ZUP1: variants seen among roughly 807,000 people sequenced by gnomAD.
ZUP1 encodes the protein zinc finger containing ubiquitin peptidase 1, also known as zinc finger-containing ubiquitin peptidase 1.
ZUP1 carries 55 observed loss-of-function variants against 68.1 expected under a neutral mutation model. That is an observed-to-expected ratio of 0.81 (90% CI 0.65 to 1.01). The LOEUF (loss-of-function observed/expected upper bound fraction) is 1.01. Among genes scored for constraint, ZUP1 ranks in the 50% least tolerant of loss-of-function variants. The pLI is 0.00. For synonymous variants in ZUP1, 223 were observed against 221.5 expected (o/e 1.01, Z -0.06); for missense variants, 684 against 674.9 (o/e 1.01, Z -0.15).
chr6:116,668,474 A>G (rs1393019297), intron 1 of ZUP1, 92 bp downstream of exon 1: 1 of 152,384 alleles, frequency 6.6e-6, no homozygotes, highest in Admixed American at 6.5e-5. Flanking sequence ...GTTCCGCGCC[A>G]AAGGCACAAG....
Position 116,651,672 on chromosome 6 carries a change from C to A in ZUP1, c.1216G>T (p.Asp406Tyr). ...TTAAGTTGAGAGGCCCCCTGAGGAT[C>A]AAAACCTTCCTTCCATGCATCTTCA... Reference protein sequence around the residue: ...MIEDAWKEGFDPQGASQLNNR... With the variant: ...MIEDAWKEGFYPQGASQLNNR... Residue 406 changes from aspartate to tyrosine, a missense_variant, in exon 7 of 10, where the codon GAT becomes TAT. Transcript: ENST00000368576. 3 of 1,613,878 alleles carry A rather than the reference C, an allele frequency of 1.9e-6. No homozygotes were observed. The highest frequency in any genetic ancestry group is 2.5e-6 in the Non-Finnish European group (3 of 1,179,850).
intron 5 of ZUP1, 58 bp from the exon 6 acceptor site, chr6:116,652,250 A>ATCAATATATGAGATATATAT: frequency 9.5e-6 from 13 of 1,369,280 alleles, no homozygotes; most frequent in Non-Finnish European, 8.0e-6. Flanking sequence ...GCTATCTCAT[A>ATCAATATATGAGATATATAT]CATTTTTAAT....
chr6:116,638,058 T>C (rs1434729947), intron 9 of ZUP1, among the ~76,000 whole-genome samples: 4 of 128,960 alleles, frequency 3.1e-5, no homozygotes, highest in Middle Eastern at 3.6e-3. Flanking sequence ...AGAGTGAGAG[T>C]CGGTCTCCAA....
chr6:116,644,481 C>T (rs1016081210), intron 9 of ZUP1, among the ~76,000 whole-genome samples: 5 of 152,256 alleles, frequency 3.3e-5, no homozygotes, highest in Non-Finnish European at 7.3e-5. Flanking sequence ...AAATGTGGCA[C>T]ATATATACCA....
Position 116,668,605 on chromosome 6 carries a change from G to A in ZUP1, c.-55C>T, listed in dbSNP as rs951197489. ...GCAGCTGCCACACTGAGCTCCGCTA[G>A]GCTTCCCCTTTGGGCCTCGCTGGCA... On this transcript the variant is annotated 5_prime_UTR_variant, in exon 1 of 10. Transcript: ENST00000368576. 6.5e-6 allele frequency: 1 copy of A among 152,736 alleles called. No individual in the cohort carries two copies. Among genetic ancestry groups the A allele is most frequent in the Non-Finnish European group, 1.5e-5 (1 of 68,464 alleles). 9.5% of individuals were successfully genotyped at this position (152,736 alleles called of 1,614,324 possible).
In ZUP1 at chr6:116,645,734, G is replaced by C; in HGVS notation, c.1669C>G (p.Leu557Val). 6.2e-7 allele frequency: 1 copy of C among 1,611,930 alleles called. No homozygotes were observed. Among genetic ancestry groups the C allele is most frequent in the Non-Finnish European group, 8.5e-7 (1 of 1,179,428 alleles). Residue 557 changes from leucine to valine, a missense_variant, in exon 9 of 10, where the codon CTT becomes GTT. Coordinates refer to ENST00000368576, the MANE Select transcript of ZUP1 (RefSeq NM_145062.3). ...CTTACAAGTTTCTCCTCTAGAGAAA[G>C]AGCACCCTCTACTGCCAATATCTGG... ...QYQILAVEGA[L>V]SLEEKLARRQ...
At chr6:116,642,474 A>T (rs2115383329) in intron 9 of ZUP1, among the ~76,000 whole-genome samples, 1 of 152,240 alleles carries the variant, frequency 6.6e-6, no homozygotes, top group South Asian at 2.1e-4. Context: ...AGCACATCAA[A>T]AACCTTATCC....
At chr6:116,648,982 AAAAAAGAAAAAG>A (rs559643571) in intron 7 of ZUP1, among the ~76,000 whole-genome samples, 5 of 152,014 alleles carry the variant, frequency 3.3e-5, no homozygotes, top group African/African-American at 1.2e-4. Context: ...CTCAAAAAAA[AAAAAAGAAAAAG>A]AAAAAGAAAA....
chr6:116,661,103 T>C (rs540715424), intron 2 of ZUP1, among the ~76,000 whole-genome samples: 9 of 152,002 alleles, frequency 5.9e-5, no homozygotes, highest in Non-Finnish European at 1.2e-4. Flanking sequence ...CTCAAACTCC[T>C]GGACTCAAGT....
rs534222431 is a variant in ZUP1 at position 116,645,596 on chromosome 6, A to G, written c.1689+118T>C. On this transcript the variant is annotated intron_variant, in intron 9 of 9. Coordinates refer to ENST00000368576, the MANE Select transcript of ZUP1 (RefSeq NM_145062.3). ...AGACCCTGTCTCCAAAAAAAAAAAAAAAAAAGAAAAAGAATAGAAAAAAAA... is the reference window on the plus strand; with the variant it reads ...AGACCCTGTCTCCAAAAAAAAAAAAGAAAAAGAAAAAGAATAGAAAAAAAA... The G allele has an allele frequency of 2.0e-4, 158 of 804,348 alleles. No individual in the cohort carries two copies. The East Asian group carries it at 3.5e-3, about 18-fold the overall frequency. 49.8% of individuals were successfully genotyped at this position (804,348 alleles called of 1,614,324 possible). A position where few individuals can be genotyped will look rare whatever the true frequency, so the allele number is the denominator to read the frequency against.
At chr6:116,641,761 A>G (rs1222815275) in intron 9 of ZUP1, among the ~76,000 whole-genome samples, 1 of 152,196 alleles carries the variant, frequency 6.6e-6, no homozygotes, top group African/African-American at 2.4e-5. Context: ...TTGACACCCT[A>G]ACATCACAAT....
intron 4 of ZUP1, among the ~76,000 whole-genome samples, chr6:116,657,412 C>CA (rs1776705582): frequency 6.6e-6 from 1 of 151,990 alleles, no homozygotes; most frequent in Non-Finnish European, 1.5e-5. Context: ...AACTAACTTG[C>CA]AAAATTACAT....
chr6:116,642,183 G>A (rs1776125094), intron 9 of ZUP1, among the ~76,000 whole-genome samples: 1 of 151,988 alleles, frequency 6.6e-6, no homozygotes, highest in African/African-American at 2.4e-5. Flanking sequence ...CTGAAATTGT[G>A]GCAATAATCA....
rs1014637941 is a variant in ZUP1 at position 116,656,931 on chromosome 6, T to C, written c.793-79A>G. 8 of 1,017,940 alleles carry C rather than the reference T, an allele frequency of 7.9e-6. No homozygotes were observed. The African/African-American group carries it at 1.0e-4, about 13-fold the overall frequency. The allele number at this position is 1,017,940 out of a possible 1,614,324, so 63.1% of individuals were successfully genotyped here. On this transcript the variant is annotated intron_variant, in intron 4 of 9. Coordinates refer to ENST00000368576, the MANE Select transcript of ZUP1 (RefSeq NM_145062.3). ...GGATGGAAACTTATTAAAATTTTAT[T>C]TGGAAACATGTTGAAACATTCTGGT...
chr6:116,665,566 T>G (rs1279129344), intron 2 of ZUP1, among the ~76,000 whole-genome samples: 1 of 147,748 alleles, frequency 6.8e-6, no homozygotes, highest in Non-Finnish European at 1.5e-5. Flanking sequence ...CAGAAAAATT[T>G]TTCTTTTTTT....
At chr6:116,648,457 C>T (rs1776381800) in intron 7 of ZUP1, among the ~76,000 whole-genome samples, 1 of 152,112 alleles carries the variant, frequency 6.6e-6, no homozygotes, top group South Asian at 2.1e-4. Context: ...GTTTTAAGTG[C>T]TCAAATAAAC....
intron 9 of ZUP1, among the ~76,000 whole-genome samples, chr6:116,641,061 T>C (rs1037995320): frequency 2.0e-5 from 3 of 149,332 alleles, no homozygotes; most frequent in Admixed American, 2.0e-4. Flanking sequence ...AAAACAGACT[T>C]TAAATCAACA....
intron 9 of ZUP1, among the ~76,000 whole-genome samples, chr6:116,643,712 T>G (rs573049843): frequency 2.6e-5 from 4 of 152,332 alleles, no homozygotes; most frequent in African/African-American, 7.2e-5. Flanking sequence ...GACTTACATG[T>G]TAGACATAAA....
intron 8 of ZUP1, among the ~76,000 whole-genome samples, chr6:116,646,889 T>TTAAGG (rs1050417421): frequency 1.3e-5 from 2 of 152,090 alleles, no homozygotes; most frequent in African/African-American, 4.8e-5. Context: ...AGTTCTACTT[T>TTAAGG]TAAGGTAAGG....
Sources: gnomAD v4.1 joint callset for allele counts (sites outside exome capture counted in the v4.1 genomes callset) on GRCh38, gnomAD v4.1.1 for gene constraint, MANE v1.5 for transcripts, NCBI Gene and HGNC (gene_info 2026-07-23, HGNC 2026-07-21) for gene names.